MEI4: variants seen among roughly 807,000 people sequenced by gnomAD.
The protein encoded by MEI4 is meiosis-specific protein MEI4.
In MEI4, 27 loss-of-function variants were observed where a neutral mutation model predicts 31.4. That is an observed-to-expected ratio of 0.86 (90% CI 0.63 to 1.19). The LOEUF (loss-of-function observed/expected upper bound fraction) is 1.19. MEI4 is among the 50% of genes most tolerant of loss of function. The probability of loss-of-function intolerance (pLI) is 0.00; values close to 1 mark genes in which losing one functional copy is unlikely to be tolerated. For missense variants in MEI4, 329 were observed against 398.9 expected, an observed-to-expected ratio of 0.82 and a Z score of 1.49; for synonymous variants, 122 against 145.4, an observed-to-expected ratio of 0.84 and a Z score of 1.16.
chr6:77,747,432 A>T (rs1767642740), intron 2 of MEI4, among the ~76,000 whole-genome samples: 1 of 152,214 alleles, frequency 6.6e-6, no homozygotes, highest in South Asian at 2.1e-4. Context: ...ACGCACAGTC[A>T]TGGTAGAAGG....
At chr6:77,865,279 C>T (rs971808723) in intron 4 of MEI4, among the ~76,000 whole-genome samples, 1 of 152,074 alleles carries the variant, frequency 6.6e-6, no homozygotes, top group Non-Finnish European at 1.5e-5. Flanking sequence ...TTCAAAAAAT[C>T]AATGAATCCA....
intron 2 of MEI4, among the ~76,000 whole-genome samples, chr6:77,694,767 G>T (rs1452642764): frequency 1.3e-5 from 2 of 151,678 alleles, no homozygotes; most frequent in Non-Finnish European, 2.9e-5. Context: ...TAATCCTTTG[G>T]GTATATACCC....
chr6:77,660,674 T>A (rs899629039), intron 1 of MEI4, among the ~76,000 whole-genome samples: 8 of 152,228 alleles, frequency 5.3e-5, no homozygotes, highest in Middle Eastern at 3.4e-3. Context: ...GGGTTATTAC[T>A]GTTCTTCAGA....
rs147551922 is a variant in MEI4, at chr6:77,909,047, T to C, written c.901-14042T>C. Among the ~76,000 whole-genome samples the C allele has an allele frequency of 9.4e-4, 143 of 152,200 alleles. 1 individual carries two copies. Among genetic ancestry groups the C allele is most frequent in the African/African-American group, 3.2e-3 (133 of 41,530 alleles). On this transcript the variant is annotated intron_variant, in intron 4 of 4. Coordinates refer to ENST00000684080, the MANE Select transcript of MEI4 (RefSeq NM_001322247.2). ...CTCTCCACCCCAAATCAACAGCATA[T>C]ACATTCTTTTCAGCACCACACCACA...
At chr6:77,889,554 CA>C (rs1341216075) in intron 4 of MEI4, among the ~76,000 whole-genome samples, 2 of 152,150 alleles carry the variant, frequency 1.3e-5, no homozygotes, top group Non-Finnish European at 2.9e-5. Context: ...AGAAAATTTG[CA>C]GCCTGACAAT....
At chr6:77,728,029 C>T (rs765057555) in intron 2 of MEI4, among the ~76,000 whole-genome samples, 6 of 152,012 alleles carry the variant, frequency 3.9e-5, no homozygotes, top group African/African-American at 9.7e-5. Flanking sequence ...CCTAGTAAGA[C>T]GAATGTGGTT....
chr6:77,675,569 T>G (rs968499995), intron 1 of MEI4, among the ~76,000 whole-genome samples: 1 of 151,686 alleles, frequency 6.6e-6, no homozygotes, highest in African/African-American at 2.4e-5. Context: ...TGAGTCAAAA[T>G]TGGTTGACAC....
rs1765977359 is a variant in MEI4, at chr6:77,694,901, TC to T, written c.232+3999del. On this transcript the variant is annotated intron_variant, in intron 2 of 4. Coordinates refer to ENST00000684080, the MANE Select transcript of MEI4 (RefSeq NM_001322247.2). ...CCAACAGTGTAAAAGTGTTCCTATT[TC>T]TCCACATCCTCTCCAGCACCTGTTG... is the stretch of plus-strand genomic sequence containing the variant. Among the ~76,000 whole-genome samples the T allele has an allele frequency of 2.0e-5, 3 of 150,666 alleles. No individual in the cohort carries two copies. The South Asian group carries it at 6.3e-4, about 32-fold the overall frequency.
intron 3 of MEI4, among the ~76,000 whole-genome samples, chr6:77,798,354 C>A (rs1245257465): frequency 6.6e-6 from 1 of 150,860 alleles, no homozygotes; most frequent in Non-Finnish European, 1.5e-5. Context: ...TTAATAAATA[C>A]AATGTATTAA....
At chr6:77,752,229 C>T (rs1767793197) in intron 2 of MEI4, among the ~76,000 whole-genome samples, 1 of 152,212 alleles carries the variant, frequency 6.6e-6, no homozygotes, top group Admixed American at 6.5e-5. Context: ...TGCCCTCTCT[C>T]ACTACTCCCA....
chr6:77,821,612 A>T (rs950121872), intron 3 of MEI4, among the ~76,000 whole-genome samples: 1 of 151,936 alleles, frequency 6.6e-6, no homozygotes, highest in Admixed American at 6.6e-5. Flanking sequence ...CCTGACCAAC[A>T]TGGAGAAACC....
intron 2 of MEI4, among the ~76,000 whole-genome samples, chr6:77,738,774 A>G (rs1409972879): frequency 2.0e-5 from 3 of 152,124 alleles, no homozygotes; most frequent in African/African-American, 4.8e-5. Flanking sequence ...GACTTTAACC[A>G]TCTCCATTCT....
intron 3 of MEI4, among the ~76,000 whole-genome samples, chr6:77,799,625 A>C (rs950142540): frequency 2.0e-5 from 3 of 152,116 alleles, no homozygotes; most frequent in Non-Finnish European, 4.4e-5. Flanking sequence ...TTATGGTTTT[A>C]GGTCTAATGT....
intron 3 of MEI4, among the ~76,000 whole-genome samples, chr6:77,778,295 A>G (rs1430493179): frequency 4.6e-5 from 7 of 152,152 alleles, no homozygotes; most frequent in Admixed American, 4.6e-4. Flanking sequence ...AAAAACAATC[A>G]GCTAGAAGAG....
chr6:77,906,647 T>A (rs1442105534), intron 4 of MEI4, among the ~76,000 whole-genome samples: 26 of 152,174 alleles, frequency 1.7e-4, no homozygotes, highest in Admixed American at 1.5e-3. Flanking sequence ...GTGGTGGCAC[T>A]GGAGTCCGAT....
At chr6:77,769,166 A>G (rs948300404) in intron 3 of MEI4, among the ~76,000 whole-genome samples, 5 of 152,182 alleles carry the variant, frequency 3.3e-5, no homozygotes, top group African/African-American at 7.2e-5. Flanking sequence ...CAGCGGCCAT[A>G]TGGCACAGAA....
At chr6:77,819,754 T>C (rs558008604) in intron 3 of MEI4, among the ~76,000 whole-genome samples, 4 of 152,286 alleles carry the variant, frequency 2.6e-5, no homozygotes, top group African/African-American at 9.6e-5. Flanking sequence ...TAATATCACC[T>C]AGATATATAT....
At chr6:77,791,050 G>A (rs1428520926) in intron 3 of MEI4, among the ~76,000 whole-genome samples, 1 of 152,028 alleles carries the variant, frequency 6.6e-6, no homozygotes, top group Non-Finnish European at 1.5e-5. Context: ...TGGAGAGGAT[G>A]TGGAGAAATA....
At chr6:77,736,151 G>T (rs895168358) in intron 2 of MEI4, among the ~76,000 whole-genome samples, 1 of 152,070 alleles carries the variant, frequency 6.6e-6, no homozygotes, top group Non-Finnish European at 1.5e-5. Flanking sequence ...TTGAGCTGTT[G>T]TGGGCTCCAC....
Sources: allele counts gnomAD v4.1 joint callset (sites outside exome capture counted in the v4.1 genomes callset), GRCh38; gene constraint gnomAD v4.1.1; transcripts MANE v1.5; gene names NCBI Gene and HGNC (gene_info 2026-07-23, HGNC 2026-07-21).